Variants in USH2A observed in about 807,000 individuals in gnomAD.
USH2A encodes Usher syndrome 2A (autosomal recessive, mild).
Under a neutral mutation model 538.9 loss-of-function variants are expected in USH2A, and 443 were observed. The observed-to-expected ratio is 0.82, with a 90% CI of 0.76 to 0.89. The LOEUF is 0.89. USH2A is among the 40% of genes least tolerant of loss of function. The pLI, the probability that USH2A is intolerant of heterozygous loss-of-function variation, is 0.00. For synonymous variants in USH2A, 2,413 were observed against 2,273.5 expected (o/e 1.06, Z -1.75); for missense variants, 6,633 against 6,324.8 (o/e 1.05, Z -1.65).
intron 49 of USH2A, among the ~76,000 whole-genome samples, chr1:215,802,565 A>G (rs1348440832): frequency 6.6e-6 from 1 of 152,148 alleles, no homozygotes; most frequent in Admixed American, 6.6e-5. Flanking sequence ...CCACAATGAG[A>G]TACCACTTGA....
At chr1:215,913,898 G>A (rs781125762) in intron 38 of USH2A, among the ~76,000 whole-genome samples, 2 of 151,734 alleles carry the variant, frequency 1.3e-5, no homozygotes, top group African/African-American at 2.4e-5. Flanking sequence ...AGAAAGAGAT[G>A]GGGAAAACTA....
intron 30 of USH2A, among the ~76,000 whole-genome samples, chr1:216,057,486 T>C (rs529809836): frequency 2.9e-4 from 44 of 151,928 alleles, no homozygotes. Context: ...TGAAATCCCA[T>C]CTCTACTAAA....
intron 3 of USH2A, among the ~76,000 whole-genome samples, chr1:216,402,989 A>T (rs1037025687): frequency 1.3e-5 from 2 of 152,208 alleles, no homozygotes; most frequent in Non-Finnish European, 2.9e-5. Context: ...ATCTTAAAAC[A>T]TTAAGTTTCT....
intron 59 of USH2A, 131 bp from the exon 60 acceptor site, chr1:215,741,668 G>A: frequency 2.0e-6 from 2 of 1,007,154 alleles, no homozygotes. Flanking sequence ...TTGTACATGT[G>A]TTTTAAATAA....
intron 21 of USH2A, among the ~76,000 whole-genome samples, chr1:216,102,403 G>A (rs1454521966): frequency 6.7e-6 from 1 of 149,576 alleles, no homozygotes; most frequent in Non-Finnish European, 1.5e-5. Context: ...AAAGTAAAAT[G>A]TTAAATTTAT....
rs372993160 is a variant in USH2A, at chr1:216,198,512, C to A, written c.3884G>T (p.Arg1295Leu). ...GAGCCAACCACTGCTCTGAAAAACTCGACTTTCCTCAGATGTGGTTTCTTT... is the reference window on the plus strand; with the variant it reads ...GAGCCAACCACTGCTCTGAAAAACTAGACTTTCCTCAGATGTGGTTTCTTT... ...STKETTSEES[R>L]VFQSSGWLSP... The change falls in exon 18 of 72, where the codon CGA becomes CTA. Residue 1295 changes from arginine to leucine, a missense_variant. By Grantham distance (102) the Arg-to-Leu change is moderately radical. Transcript: ENST00000307340. The A allele has an allele frequency of 7.6e-5, 123 of 1,613,840 alleles. No homozygotes were observed. Among genetic ancestry groups the A allele is most frequent in the Non-Finnish European group, 9.7e-5 (115 of 1,179,966 alleles).
At chr1:216,009,501 G>A (rs574776691) in intron 32 of USH2A, among the ~76,000 whole-genome samples, 7 of 152,176 alleles carry the variant, frequency 4.6e-5, no homozygotes, top group African/African-American at 1.7e-4. Context: ...GGTGCCTGAC[G>A]TCTAGGCATT....
At chr1:216,228,820 A>G (rs2035616704) in intron 14 of USH2A, among the ~76,000 whole-genome samples, 1 of 152,158 alleles carries the variant, frequency 6.6e-6, no homozygotes, top group Admixed American at 6.6e-5. Context: ...ACCCCCATCA[A>G]TATAACAGGA....
At chr1:215,732,089 T>G (rs956961885) in intron 60 of USH2A, among the ~76,000 whole-genome samples, 38 of 152,208 alleles carry the variant, frequency 2.5e-4, no homozygotes, top group African/African-American at 9.2e-4. Context: ...ATCATGGAGA[T>G]GATGTGCATC....
chr1:215,736,996 A>G (rs1439871139), intron 60 of USH2A, among the ~76,000 whole-genome samples: 1 of 152,010 alleles, frequency 6.6e-6, no homozygotes, highest in Non-Finnish European at 1.5e-5. Flanking sequence ...TTCTCTGTAT[A>G]CTTACCGTAA....
chr1:216,251,931 T>A (rs531847582), intron 11 of USH2A, among the ~76,000 whole-genome samples: 2 of 152,302 alleles, frequency 1.3e-5, no homozygotes, highest in Non-Finnish European at 2.9e-5. Flanking sequence ...CCTAATACAT[T>A]TTTTTCTTAC....
intron 11 of USH2A, among the ~76,000 whole-genome samples, chr1:216,275,954 T>C (rs876074): frequency 0.6 from 91,236 of 151,916 alleles, 28,850 homozygotes; most frequent in East Asian, 0.75. Context: ...AGCAATCTGC[T>C]GTAGGTTTCC....
chr1:215,668,690 A>G (rs974678288), intron 64 of USH2A, among the ~76,000 whole-genome samples: 6 of 152,148 alleles, frequency 3.9e-5, no homozygotes, highest in African/African-American at 1.4e-4. Flanking sequence ...CTGATGAAAA[A>G]TCTGACTAGA....
At chr1:215,694,301 T>C (rs184612090) in intron 61 of USH2A, among the ~76,000 whole-genome samples, 12 of 152,260 alleles carry the variant, frequency 7.9e-5, no homozygotes, top group Non-Finnish European at 1.6e-4. Context: ...TTGCCAGGCG[T>C]GGTGGCTCAC....
At chr1:215,768,771 A>G (rs1281479958) in intron 55 of USH2A, among the ~76,000 whole-genome samples, 3 of 152,306 alleles carry the variant, frequency 2.0e-5, no homozygotes, top group Admixed American at 2.0e-4. Context: ...CTTTACCGAC[A>G]AAAAGGGGTC....
intron 20 of USH2A, among the ~76,000 whole-genome samples, chr1:216,182,756 G>A (rs1010452536): frequency 6.6e-6 from 1 of 152,042 alleles, no homozygotes; most frequent in Non-Finnish European, 1.5e-5. Context: ...GGCAGCCACA[G>A]TTCTAAGGCT....
chr1:216,101,731 T>C (rs2032584113), intron 21 of USH2A, among the ~76,000 whole-genome samples: 1 of 152,272 alleles, frequency 6.6e-6, no homozygotes, highest in African/African-American at 2.4e-5. Context: ...CAGGAAATGT[T>C]CTAAAGTTCA....
At chr1:215,952,596 A>G (rs959437844) in intron 37 of USH2A, among the ~76,000 whole-genome samples, 2 of 152,080 alleles carry the variant, frequency 1.3e-5, no homozygotes, top group Middle Eastern at 3.2e-3. Flanking sequence ...ATCTCTCAGC[A>G]TTTGCTTGTC....
chr1:215,880,599 G>T (rs1454197720), intron 41 of USH2A, among the ~76,000 whole-genome samples: 2 of 152,122 alleles, frequency 1.3e-5, no homozygotes, highest in South Asian at 2.1e-4. Context: ...GATATAGGAC[G>T]CTATTTGTTT....
Sources: gnomAD v4.1 joint callset for allele counts (sites outside exome capture counted in the v4.1 genomes callset) on GRCh38, gnomAD v4.1.1 for gene constraint, MANE v1.5 for transcripts, NCBI Gene and HGNC (gene_info 2026-07-23, HGNC 2026-07-21) for gene names.